Variants in MACROD2 observed in about 807,000 individuals in gnomAD.
MACROD2 encodes mono-ADP ribosylhydrolase 2.
A neutral mutation model predicts 70.4 loss-of-function variants in MACROD2; 36 were observed. The ratio of observed to expected loss-of-function variants is 0.51; its 90% CI spans 0.39 to 0.68. The LOEUF is 0.68. Ranked by LOEUF, MACROD2 falls within the 30% of genes least tolerant of loss-of-function variation. MACROD2 has a pLI of 0.00. For synonymous variants in MACROD2, 172 were observed against 178.8 expected (o/e 0.96, Z 0.30); for missense variants, 496 against 538.4 (o/e 0.92, Z 0.78).
At chr20:15,346,856 G>T (rs1324246684) in intron 6 of MACROD2, among the ~76,000 whole-genome samples, 4 of 152,182 alleles carry the variant, frequency 2.6e-5, no homozygotes, top group African/African-American at 9.6e-5. Flanking sequence ...CCTGTAGTGT[G>T]CTGAGTCAGG....
intron 5 of MACROD2, among the ~76,000 whole-genome samples, chr20:15,010,310 A>C (rs1366770842): frequency 2.0e-5 from 3 of 152,290 alleles, no homozygotes; most frequent in East Asian, 3.9e-4. Context: ...TTATTTGAAG[A>C]TATTCCTTAA....
chr20:15,823,340 A>T (rs2063962211), intron 8 of MACROD2, among the ~76,000 whole-genome samples: 1 of 149,970 alleles, frequency 6.7e-6, no homozygotes, highest in African/African-American at 2.5e-5. Context: ...GTCTATGCGA[A>T]GCAAATCATA....
At chr20:15,457,059 T>C (rs1156692902) in intron 7 of MACROD2, among the ~76,000 whole-genome samples, 21 of 64,716 alleles carry the variant, frequency 3.2e-4, no homozygotes, top group African/African-American at 7.7e-4. Flanking sequence ...TTTCTTCTTT[T>C]TTTTTTTTTT....
Position 15,180,903 on chromosome 20 carries a change from A to C in MACROD2, c.419-49037A>C, listed in dbSNP as rs141513950. 3.2e-3 allele frequency among the ~76,000 whole-genome samples: 491 copies of C among 152,358 alleles called. 5 individuals are homozygous for C. Among genetic ancestry groups the C allele is most frequent in the African/African-American group, 0.01 (436 of 41,576 alleles). Reference sequence around the variant, plus strand: ...TGTTCTAAGTGCAATTTTATATTCCAATTTTTTATTAATTATGTCGTAAAC... The same window carrying C: ...TGTTCTAAGTGCAATTTTATATTCCCATTTTTTATTAATTATGTCGTAAAC... On this transcript the variant is annotated intron_variant, in intron 5 of 17. Coordinates refer to ENST00000684519, the MANE Select transcript of MACROD2 (RefSeq NM_001351661.2).
At chr20:14,521,568 C>T (rs2059819828) in intron 4 of MACROD2, among the ~76,000 whole-genome samples, 1 of 152,132 alleles carries the variant, frequency 6.6e-6, no homozygotes, top group Non-Finnish European at 1.5e-5. Flanking sequence ...TAGCAACATG[C>T]CTGGCACATA....
intron 3 of MACROD2, among the ~76,000 whole-genome samples, chr20:14,446,896 T>A (rs1320685050): frequency 6.6e-6 from 1 of 152,146 alleles, no homozygotes; most frequent in Admixed American, 6.5e-5. Flanking sequence ...GAGAAAACAA[T>A]GCCTATAACT....
chr20:14,588,500 C>CT (rs1981537776), intron 4 of MACROD2, among the ~76,000 whole-genome samples: 1 of 152,146 alleles, frequency 6.6e-6, no homozygotes, highest in East Asian at 1.9e-4. Flanking sequence ...TGTAGTTTTT[C>CT]TTTTTTTCTC....
chr20:14,355,350 A>G (rs7344888), intron 3 of MACROD2, among the ~76,000 whole-genome samples: 1 of 152,234 alleles, frequency 6.6e-6, no homozygotes, highest in Non-Finnish European at 1.5e-5. Flanking sequence ...AGGAGTGTAA[A>G]GTGATAACTT....
chr20:15,091,384 G>A (rs1485870193), intron 5 of MACROD2, among the ~76,000 whole-genome samples: 1 of 151,902 alleles, frequency 6.6e-6, no homozygotes, highest in Non-Finnish European at 1.5e-5. Flanking sequence ...AAGTTTTTAT[G>A]TGATCCAACT....
At chr20:14,300,082 CA>C (rs2082461835) in intron 3 of MACROD2, among the ~76,000 whole-genome samples, 2 of 152,092 alleles carry the variant, frequency 1.3e-5, no homozygotes, top group Admixed American at 1.3e-4. Flanking sequence ...TTTTCTAAAT[CA>C]TAAAGATGAG....
At chr20:14,844,617 T>C (rs926139617) in intron 5 of MACROD2, among the ~76,000 whole-genome samples, 2 of 152,106 alleles carry the variant, frequency 1.3e-5, no homozygotes, top group African/African-American at 4.8e-5. Context: ...CTTCTTGTTT[T>C]CTTTTTCCTA....
intron 8 of MACROD2, among the ~76,000 whole-genome samples, chr20:15,580,580 G>A (rs1787793811): frequency 6.6e-6 from 1 of 152,154 alleles, no homozygotes; most frequent in African/African-American, 2.4e-5. Flanking sequence ...TCCTCAGGCT[G>A]AGAACACTGG....
chr20:14,705,579 A>C (rs753881371), intron 5 of MACROD2, among the ~76,000 whole-genome samples: 6 of 152,160 alleles, frequency 3.9e-5, no homozygotes, highest in Admixed American at 1.3e-4. Context: ...AAGGTTGCAG[A>C]CTGGGCCATC....
intron 6 of MACROD2, among the ~76,000 whole-genome samples, chr20:15,257,120 A>T (rs1196466088): frequency 6.6e-6 from 1 of 152,080 alleles, no homozygotes; most frequent in Non-Finnish European, 1.5e-5. Flanking sequence ...ATTAATATAT[A>T]TACTTTTTAT....
intron 2 of MACROD2, among the ~76,000 whole-genome samples, chr20:14,031,327 G>T (rs2053244791): frequency 1.3e-5 from 2 of 152,108 alleles, no homozygotes; most frequent in Non-Finnish European, 2.9e-5. Context: ...TAGTATCTCA[G>T]TGTGCATATG....
intron 8 of MACROD2, among the ~76,000 whole-genome samples, chr20:15,843,029 G>A (rs996151504): frequency 6.6e-6 from 1 of 152,092 alleles, no homozygotes; most frequent in South Asian, 2.1e-4. Flanking sequence ...TTTCAGTCAC[G>A]ACCCTTTTCC....
chr20:14,132,646 C>CT (rs1569172657), intron 3 of MACROD2, among the ~76,000 whole-genome samples: 1 of 151,566 alleles, frequency 6.6e-6, no homozygotes, highest in Non-Finnish European at 1.5e-5. Context: ...CTTTTTCTTT[C>CT]TTTTTTTTAG....
chr20:14,815,546 C>G (rs1453181954), intron 5 of MACROD2, among the ~76,000 whole-genome samples: 1 of 151,880 alleles, frequency 6.6e-6, no homozygotes, highest in Admixed American at 6.6e-5. Context: ...CATCTGAATT[C>G]CCTCTATAGC....
chr20:15,309,758 G>A (rs764377257), intron 6 of MACROD2, among the ~76,000 whole-genome samples: 44 of 152,120 alleles, frequency 2.9e-4, no homozygotes, highest in Non-Finnish European at 5.3e-4. Flanking sequence ...ATGGAGAAAA[G>A]AACGATTTAT....
Sources: gnomAD v4.1 joint callset for allele counts (sites outside exome capture counted in the v4.1 genomes callset) on GRCh38, gnomAD v4.1.1 for gene constraint, MANE v1.5 for transcripts, NCBI Gene and HGNC (gene_info 2026-07-23, HGNC 2026-07-21) for gene names.